DPP7: variants seen among roughly 807,000 people sequenced by gnomAD.
The protein encoded by DPP7 is dipeptidyl peptidase 7.
DPP7 carries 74 observed loss-of-function variants against 58.8 expected under a neutral mutation model. The ratio of observed to expected loss-of-function variants is 1.26; its 90% CI spans 1.04 to 1.53. The LOEUF (loss-of-function observed/expected upper bound fraction) is 1.53. Among genes scored for constraint, DPP7 ranks in the 40% most tolerant of loss-of-function variants. The pLI, the probability that DPP7 is intolerant of heterozygous loss-of-function variation, is 0.00. For missense variants in DPP7, 807 were observed against 692.3 expected (o/e 1.17, Z -1.86); for synonymous variants, 350 against 303.6 (o/e 1.15, Z -1.59).
Position 137,114,663 on chromosome 9 carries a change from G to A in DPP7, c.51C>T (p.Arg17=), listed in dbSNP as rs528684022. ...APVLLLALGL[R]GLQAGARRAP... is the part of the protein sequence containing the mutation. The stretch of plus-strand genomic sequence containing the variant: ...GCCACTCACCCCCCGCCTGGAGGCC[G>A]CGCAGCCCGAGCGCCAGCAGCAGGA... The change falls in exon 1 of 13, where the codon CGC becomes CGT. Residue 17 remains arginine, a synonymous_variant. Coordinates refer to ENST00000371579, the MANE Select transcript of DPP7 (RefSeq NM_013379.3). The A allele has an allele frequency of 8.9e-5, 121 of 1,365,144 alleles. 1 individual carries two copies. In the Middle Eastern group the frequency reaches 1.6e-3, roughly 18 times the overall value. The allele number at this position is 1,365,144 out of a possible 1,614,324, so 84.6% of individuals were successfully genotyped here. A position where few individuals can be genotyped will look rare whatever the true frequency, so the allele number is the denominator to read the frequency against.
rs778634085 is a variant in DPP7 at position 137,114,006 on chromosome 9, G to C, written c.344C>G (p.Pro115Arg). ...AEHRYYGKSL[P>R]FGAQSTQRGH... is the part of the protein sequence containing the mutation. ...GCGCTGCGTGGACTGCGCACCGAAC[G>C]GCAGCGACTTCCCGTAGTAGCGCTG... Residue 115 changes from proline (P) to arginine (R), a missense_variant, in exon 4 of 13, where the codon CCG (proline) becomes CGG (arginine). Physicochemically the swap from Pro to Arg is moderately radical, Grantham distance 103 (BLOSUM62 -2). This residue lies in a region of DPP7 where 624 missense variants were observed against 531.2 expected (regional missense o/e 1.17). Transcript: ENST00000371579. 3.3e-6 allele frequency: 5 copies of C among 1,521,252 alleles called. No homozygotes were observed. The highest frequency in any genetic ancestry group is 1.4e-5 in the African/African-American group (1 of 70,508). The allele number at this position is 1,521,252 out of a possible 1,614,324, so 94.2% of individuals were successfully genotyped here.
rs545805461 is a variant in DPP7, at chr9:137,113,731, C to T, written c.485+134G>A. Reference sequence around the variant, plus strand: ...GGAGGGCTTCCTGGGGGAGGCAACACTAAGCCTGGAACCACTGCCTGAGGC... The same window carrying T: ...GGAGGGCTTCCTGGGGGAGGCAACATTAAGCCTGGAACCACTGCCTGAGGC... On this transcript the variant is annotated intron_variant, in intron 4 of 12. Coordinates refer to ENST00000371579, the MANE Select transcript of DPP7 (RefSeq NM_013379.3). The T allele has an allele frequency of 9.9e-6, 14 of 1,420,084 alleles. No homozygotes were observed. In the South Asian group the frequency reaches 2.1e-4, roughly 22 times the overall value. 88.0% of individuals were successfully genotyped at this position (1,420,084 alleles called of 1,614,324 possible). A position where few individuals can be genotyped will look rare whatever the true frequency, so the allele number is the denominator to read the frequency against.
In DPP7 at chr9:137,112,004, A is replaced by G; in HGVS notation, c.1076T>C (p.Phe359Ser). The G allele has an allele frequency of 6.2e-7, 1 of 1,613,602 alleles. No homozygotes were observed. The highest frequency in any genetic ancestry group is 8.5e-7 in the Non-Finnish European group (1 of 1,179,804). ...CATATCGGTCACATTGTTGCTGGCG[A>G]AGGTCAGGTTGATCTCGGTGCAGGC... ...YQACTEINLT[F>S]ASNNVTDMFP... Residue 359 changes from phenylalanine to serine, a missense_variant, in exon 10 of 13, where the codon TTC (phenylalanine) becomes TCC (serine). Coordinates refer to ENST00000371579, the MANE Select transcript of DPP7 (RefSeq NM_013379.3).
rs1302164024 is a variant in DPP7 at position 137,111,898 on chromosome 9, C to T, written c.1182G>A (p.Trp394Ter). 2.0e-6 allele frequency: 3 copies of T among 1,498,110 alleles called. No individual in the cohort carries two copies. Among genetic ancestry groups the T allele is most frequent in the Middle Eastern group, 1.8e-4 (1 of 5,536 alleles). The allele number at this position is 1,498,110 out of a possible 1,614,324, so 92.8% of individuals were successfully genotyped here. Residue 394 changes from tryptophan (W) to a stop codon, truncating the protein, a stop_gained, in exon 10 of 13, where the codon TGG becomes TGA. Transcript: ENST00000371579. LOFTEE classifies it high-confidence loss of function. ...CACCCCCCCAGAAGCTGGTCAGCAG[C>T]CAGTCGGGCCGGGGCCACACGCCCC... ...DTWGVWPRPD[W>*]LLTSFWGGDL... is the part of the protein sequence containing the mutation.
At chr9:137,116,710 G>A (rs1162758015), upstream of DPP7, among the ~76,000 whole-genome samples, 1 of 152,216 alleles carries the variant, frequency 6.6e-6, no homozygotes, top group Non-Finnish European at 1.5e-5. Context: ...AAAGAGGGAG[G>A]CCTCTTTGCA....
chr9:137,117,631 A>G (rs1195782662), upstream of DPP7, among the ~76,000 whole-genome samples: 1 of 152,254 alleles, frequency 6.6e-6, no homozygotes, highest in East Asian at 1.9e-4. Context: ...ACTGGGGGCC[A>G]TGCCCGGCCA....
chr9:137,112,700 C>G (rs1018899667), intron 8 of DPP7, 45 bp downstream of exon 8: 3 of 1,568,980 alleles, frequency 1.9e-6, no homozygotes, highest in African/African-American at 2.7e-5. Flanking sequence ...CCAAGCCAAG[C>G]CTGGGGTCTC....
rs1445017765 is a variant in DPP7 at position 137,113,058 on chromosome 9, C to T, written c.765G>A (p.Leu255=). ...TCCGGGCGAACATGAAGAGCTGGGT[C>T]AGGTCCTTCTCGTCTGACAGCGGCT... ...TCQPLSDEKD[L]TQLFMFARNA... The change falls in exon 7 of 13, where the codon CTG becomes CTA. Residue 255 remains leucine (L), a synonymous_variant. Transcript: ENST00000371579. 6.2e-7 allele frequency: 1 copy of T among 1,613,832 alleles called. No homozygotes were observed. The highest frequency in any genetic ancestry group is 8.5e-7 in the Non-Finnish European group (1 of 1,180,036).
In DPP7 at chr9:137,112,801, C is replaced by A. The variant is rs1342519724; in HGVS notation, c.875G>T (p.Gly292Val). ...GGCCTCACTCAGCAGCCGATCACAG[C>A]CCACCTGGAGTGCAGGGGCAGCGGC... ...GPLPANPVKV[G>V]CDRLLSEAQR... The change falls in exon 8 of 13, where the codon GGC becomes GTC. Residue 292 changes from glycine to valine, a missense_variant. By Grantham distance (109) the Gly-to-Val change is moderately radical. Around this residue, in one of 3 missense-constraint regions of DPP7, gnomAD observed 624 missense variants for 531.2 expected, o/e 1.17. Coordinates refer to ENST00000371579, the MANE Select transcript of DPP7 (RefSeq NM_013379.3). 6.2e-7 allele frequency: 1 copy of A among 1,609,590 alleles called. No homozygotes were observed. Among genetic ancestry groups the A allele is most frequent in the Non-Finnish European group, 8.5e-7 (1 of 1,179,444 alleles).
rs1483386968 is a variant in DPP7 at position 137,114,701 on chromosome 9, G to C, written c.13C>G (p.Pro5Ala). 6.1e-6 allele frequency: 8 copies of C among 1,311,198 alleles called. No individual in the cohort carries two copies. The highest frequency in any genetic ancestry group is 7.8e-6 in the Non-Finnish European group (8 of 1,032,212). The allele number at this position is 1,311,198 out of a possible 1,614,324, so 81.2% of individuals were successfully genotyped here. MGSAPWAPVLLLALG... is the reference protein window; with the variant it reads MGSAAWAPVLLLALG... ...GCCAGCAGCAGGACCGGGGCCCAGG[G>C]AGCGGAGCCCATGTCGCCTTCCGCG... Residue 5 changes from proline to alanine, a missense_variant, in exon 1 of 13, where the codon CCC becomes GCC. Pro to Ala is a conservative substitution (Grantham distance 27, BLOSUM62 -1). Coordinates refer to ENST00000371579, the MANE Select transcript of DPP7 (RefSeq NM_013379.3).
chr9:137,113,436 C>T lies in DPP7; in HGVS notation c.546G>A (p.Ala182=), dbSNP rs762647549. Residue 182 remains alanine, a synonymous_variant, in exon 5 of 13, where the codon GCG becomes GCA. Coordinates refer to ENST00000371579, the MANE Select transcript of DPP7 (RefSeq NM_013379.3). ...RMKYPHLVAG[A]LAASAPVLAV... is the part of the protein sequence containing the mutation. ...CTAGAACGGGCGCGCTGGCCGCCAG[C>T]GCCCCCGCCACCAGGTGGGGATACT... is the stretch of plus-strand genomic sequence containing the variant. The T allele has an allele frequency of 1.6e-5, 26 of 1,604,014 alleles. No individual in the cohort carries two copies. Among genetic ancestry groups the T allele is most frequent in the Non-Finnish European group, 2.0e-5 (24 of 1,174,256 alleles).
chr9:137,111,173 A>G (rs1271769993), intron 11 of DPP7, among the ~76,000 whole-genome samples: 2 of 152,122 alleles, frequency 1.3e-5, no homozygotes, highest in African/African-American at 2.4e-5. Context: ...CTGTGATCCC[A>G]GCACTCTGGG....
chr9:137,111,037 G>A, intron 11 of DPP7, 87 bp from the exon 12 acceptor site: 2 of 1,329,270 alleles, frequency 1.5e-6, no homozygotes, highest in Non-Finnish European at 1.1e-6. Flanking sequence ...GACGTGAGAG[G>A]GCGAGCCGAG....
chr9:137,111,784 G>T, intron 10 of DPP7, 30 bp from the exon 11 acceptor site: 1 of 1,613,566 alleles, frequency 6.2e-7, no homozygotes, highest in African/African-American at 1.3e-5. Flanking sequence ...TTGTGATGTG[G>T]GCCCCTCACG....
At position 137,111,697 on chromosome 9, in the gene DPP7, C is replaced by T. The variant is rs775395900; in HGVS notation, c.1265G>A (p.Gly422Glu). ...GCCCAGGCCAGGACTCACCCCGCCC[C>T]CTGCCCAGGGGTCCAGGTTCCCGTT... Reference protein sequence around the residue: ...FSNGNLDPWAGGGIRRNLSAS... With the variant: ...FSNGNLDPWAEGGIRRNLSAS... Residue 422 changes from glycine (G) to glutamate (E), a missense_variant, in exon 11 of 13, where the codon GGG becomes GAG. This residue lies in a region of DPP7 where 624 missense variants were observed against 531.2 expected (regional missense o/e 1.17). Coordinates refer to ENST00000371579, the MANE Select transcript of DPP7 (RefSeq NM_013379.3). 3 of 1,613,590 alleles carry T rather than the reference C, an allele frequency of 1.9e-6. No homozygotes were observed. The highest frequency in any genetic ancestry group is 2.5e-6 in the Non-Finnish European group (3 of 1,179,978).
intron 9 of DPP7, 34 bp downstream of exon 9, chr9:137,112,078 C>T (rs751322817): frequency 1.2e-6 from 2 of 1,612,234 alleles, no homozygotes; most frequent in East Asian, 4.5e-5. Context: ...CACCCTTGCC[C>T]CCGAGTGGTT....
chr9:137,116,756 C>CTCGT (rs1831651274), upstream of DPP7, among the ~76,000 whole-genome samples: 1 of 152,220 alleles, frequency 6.6e-6, no homozygotes, highest in African/African-American at 2.4e-5. Flanking sequence ...CTCCGACATG[C>CTCGT]CCCTGGGAAC....
upstream of DPP7, chr9:137,115,010 C>G (rs563239280): frequency 4.0e-5 from 11 of 276,838 alleles, no homozygotes; most frequent in Non-Finnish European, 6.7e-5. Context: ...GGGCGAGTCC[C>G]TGCTGCGCCC....
At position 137,111,941 on chromosome 9, in the gene DPP7, C is replaced by T. The variant is rs758451577; in HGVS notation, c.1139G>A (p.Arg380Gln). ...CACGCCCCAGGTGTCCAGGCAGTAC[C>T]GCTGGCGGAGCTCGTCAGTGAAGGG... ...DLPFTDELRQ[R>Q]YCLDTWGVWP... The change falls in exon 10 of 13, where the codon CGG (arginine) becomes CAG (glutamine). Residue 380 changes from arginine to glutamine, a missense_variant. Arg to Gln is a conservative substitution (Grantham distance 43). Transcript: ENST00000371579. The T allele has an allele frequency of 1.4e-5, 23 of 1,613,348 alleles. No homozygotes were observed. The highest frequency in any genetic ancestry group is 1.8e-5 in the Non-Finnish European group (21 of 1,179,764).
Sources: allele counts gnomAD v4.1 joint callset (sites outside exome capture counted in the v4.1 genomes callset), GRCh38; gene constraint gnomAD v4.1.1; regional missense constraint gnomAD v4.1.1; transcripts MANE v1.5; gene names NCBI Gene and HGNC (gene_info 2026-07-23, HGNC 2026-07-21).